ABHD6: variants seen among roughly 807,000 people sequenced by gnomAD.
The protein encoded by ABHD6 is monoacylglycerol lipase ABHD6.
Under a neutral mutation model 38.8 loss-of-function variants are expected in ABHD6, and 33 were observed. The observed-to-expected ratio is 0.85, with a 90% CI of 0.64 to 1.14. The LOEUF is 1.14. Among genes scored for constraint, ABHD6 ranks in the 50% most tolerant of loss-of-function variants. The pLI is 0.00. For synonymous variants in ABHD6, 147 were observed against 161.6 expected, an observed-to-expected ratio of 0.91 and a Z score of 0.69; for missense variants, 380 against 422.6, an observed-to-expected ratio of 0.90 and a Z score of 0.88.
At chr3:58,250,293 C>T (rs2097429038) in intron 2 of ABHD6, among the ~76,000 whole-genome samples, 1 of 151,784 alleles carries the variant, frequency 6.6e-6, no homozygotes. Flanking sequence ...GGCAGCCAGA[C>T]GTGGGAGTGC....
chr3:58,273,034 C>T lies in ABHD6; in HGVS notation c.524-1624C>T, dbSNP rs1198168560. On this transcript the variant is annotated intron_variant, in intron 6 of 9. Coordinates refer to ENST00000478253, the MANE Select transcript of ABHD6 (RefSeq NM_001320126.2). The surrounding 1 kb of genome is among the most constrained non-coding windows in gnomAD (Gnocchi z 4.8). ...TTCATTTAGTTTTTCAACTCATGTC[C>T]TTTTTCTGTTCTGGGATCCAGTCCA... 3.3e-5 allele frequency among the ~76,000 whole-genome samples: 5 copies of T among 152,084 alleles called. No individual in the cohort carries two copies. In the East Asian group the frequency reaches 9.6e-4, roughly 29 times the overall value.
In ABHD6 at chr3:58,259,288, G is replaced by T. The variant is rs368292574; in HGVS notation, c.119+2583G>T. 1.6e-4 allele frequency among the ~76,000 whole-genome samples: 24 copies of T among 152,250 alleles called. 1 individual carries two copies. In the South Asian group the frequency reaches 3.7e-3, roughly 24 times the overall value. ...AGAGTAAGGGTGTTAGGGTAATTTTGATGTTTCATTTGTAATGAGAAAAAT... is the reference window on the plus strand; with the variant it reads ...AGAGTAAGGGTGTTAGGGTAATTTTTATGTTTCATTTGTAATGAGAAAAAT... On this transcript the variant is annotated intron_variant, in intron 3 of 9. Transcript: ENST00000478253. The surrounding 1 kb of genome is among the most constrained non-coding windows in gnomAD (Gnocchi z 4.7).
rs1396373484 is a variant in ABHD6 at position 58,273,076 on chromosome 3, A to G, written c.524-1582A>G. Among the ~76,000 whole-genome samples, 1 of 152,188 alleles carries G rather than the reference A, an allele frequency of 6.6e-6. No individual in the cohort carries two copies. The highest frequency in any genetic ancestry group is 2.4e-5 in the African/African-American group (1 of 41,446). ...TCCAGTCCAGGATGTACCACATGAC[A>G]TCTAACCTAGGTTTAGTTTTAAAGA... On this transcript the variant is annotated intron_variant, in intron 6 of 9. Coordinates refer to ENST00000478253, the MANE Select transcript of ABHD6 (RefSeq NM_001320126.2). This position sits in a 1 kb window ranked among gnomAD's most constrained non-coding sequence, Gnocchi z 4.8.
chr3:58,286,870 G>GTGTATATATATATATA lies in ABHD6; in HGVS notation c.837+1418_837+1419insGTATATATATATATAT, dbSNP rs2097457742. Among the ~76,000 whole-genome samples, 3 of 75,060 alleles carry GTGTATATATATATATA rather than the reference G, an allele frequency of 4.0e-5. 1 individual carries two copies. The highest frequency in any genetic ancestry group is 8.0e-5 in the Non-Finnish European group (3 of 37,482). The allele number at this position is 75,060 out of a possible 152,430, so 49.2% of individuals were successfully genotyped here. On this transcript the variant is annotated intron_variant, in intron 9 of 9. Coordinates refer to ENST00000478253, the MANE Select transcript of ABHD6 (RefSeq NM_001320126.2). ...TGTGTGTGTATATATATATATATAT[G>GTGTATATATATATATA]TATATGTATATATAAGTAGGTATCT... is the stretch of plus-strand genomic sequence containing the variant.
intron 3 of ABHD6, among the ~76,000 whole-genome samples, chr3:58,258,900 G>A (rs2097435119): frequency 6.6e-6 from 1 of 152,170 alleles, no homozygotes; most frequent in Non-Finnish European, 1.5e-5. Flanking sequence ...CTTCTGCACT[G>A]AGAAAGCGAG....
rs1055004713 is a variant in ABHD6, at chr3:58,266,075, A to G, written c.120-1114A>G. On this transcript the variant is annotated intron_variant, in intron 3 of 9. Transcript: ENST00000478253. This position sits in a 1 kb window ranked among gnomAD's most constrained non-coding sequence, Gnocchi z 4.0. ...TGAAATACGCTTGCCTTGCTGTAAG[A>G]AGAGCTTTTAAGCTAGCCAATGCTA... Among the ~76,000 whole-genome samples, 1 of 152,248 alleles carries G rather than the reference A, an allele frequency of 6.6e-6. No homozygotes were observed. Among genetic ancestry groups the G allele is most frequent in the African/African-American group, 2.4e-5 (1 of 41,468 alleles).
intron 1 of ABHD6, among the ~76,000 whole-genome samples, chr3:58,248,875 G>A (rs576882950): frequency 5.9e-5 from 9 of 152,092 alleles, no homozygotes; most frequent in Non-Finnish European, 1.3e-4. Flanking sequence ...TAAACTTCTT[G>A]TTCTTTGCCA....
intron 1 of ABHD6, among the ~76,000 whole-genome samples, chr3:58,244,480 C>T (rs1028635272): frequency 1.3e-5 from 2 of 152,180 alleles, no homozygotes; most frequent in African/African-American, 4.8e-5. Context: ...TCTAAGAATT[C>T]GCACAGGGCT....
chr3:58,260,761 T>C (rs1184416988), intron 3 of ABHD6, among the ~76,000 whole-genome samples: 1 of 152,106 alleles, frequency 6.6e-6, no homozygotes. Context: ...TGGCACCCAG[T>C]CCCCGTTCCC....
At position 58,256,112 on chromosome 3, in the gene ABHD6, C is replaced by CAG. The variant is rs1167722433; in HGVS notation, c.-25-449_-25-448insGA. 6.6e-6 allele frequency among the ~76,000 whole-genome samples: 1 copy of CAG among 151,296 alleles called. No homozygotes were observed. The highest frequency in any genetic ancestry group is 2.4e-5 in the African/African-American group (1 of 41,088). On this transcript the variant is annotated intron_variant, in intron 2 of 9. Transcript: ENST00000478253. The surrounding 1 kb of genome is among the most constrained non-coding windows in gnomAD (Gnocchi z 4.3). ...ACACACACACACACACACACACATA[C>CAG]ACACACTACTTTTTCTCTCCTGAAC...
chr3:58,274,578 C>A, intron 6 of ABHD6, 80 bp from the exon 7 acceptor site: 1 of 1,430,974 alleles, frequency 7.0e-7, no homozygotes, highest in Non-Finnish European at 9.5e-7. Flanking sequence ...CTCTGGGCTG[C>A]TGTCAGAAGT....
chr3:58,270,955 C>CA lies in ABHD6; in HGVS notation c.420dup (p.Pro141ThrfsTer41). On this transcript the variant is annotated frameshift_variant, in exon 6 of 10. Coordinates refer to ENST00000478253, the MANE Select transcript of ABHD6 (RefSeq NM_001320126.2). LOFTEE classifies it high-confidence loss of function. ...AGTTTGTAGAATGCCTGAAGCTGAA[C>CA]AAAAAACCTTTCCACCTGGTAGGCA... The CA allele has an allele frequency of 6.2e-7, 1 of 1,609,856 alleles. No homozygotes were observed. Among genetic ancestry groups the CA allele is most frequent in the Non-Finnish European group, 8.5e-7 (1 of 1,178,736 alleles).
At chr3:58,290,234 A>C (rs2097461095) in intron 9 of ABHD6, among the ~76,000 whole-genome samples, 2 of 108,496 alleles carry the variant, frequency 1.8e-5, no homozygotes, top group Non-Finnish European at 3.8e-5. Context: ...ACTTCCCAGT[A>C]GGGGCGGCTG....
Position 58,286,805 on chromosome 3 carries a change from G to C in ABHD6, c.837+1352G>C, listed in dbSNP as rs955409202. On this transcript the variant is annotated intron_variant, in intron 9 of 9. Transcript: ENST00000478253. The stretch of plus-strand genomic sequence containing the variant: ...TAGATATATATAGGTGTGCATATAA[G>C]ATATATAAGATCATATATGTGTGTG... Among the ~76,000 whole-genome samples the C allele has an allele frequency of 1.2e-4, 14 of 116,496 alleles. No individual in the cohort carries two copies. The South Asian group carries it at 4.4e-3, about 36-fold the overall frequency. The allele number at this position is 116,496 out of a possible 152,430, so 76.4% of individuals were successfully genotyped here. A position where few individuals can be genotyped will look rare whatever the true frequency, so the allele number is the denominator to read the frequency against.
rs1011306153 is a variant in ABHD6 at position 58,267,414 on chromosome 3, C to G, written c.276+69C>G. Reference sequence around the variant, plus strand: ...GTGCTGTGGCTCATGCCTATAATCCCAGCACTTTGGGAGCCTGAGGCAGGA... The same window carrying G: ...GTGCTGTGGCTCATGCCTATAATCCGAGCACTTTGGGAGCCTGAGGCAGGA... On this transcript the variant is annotated intron_variant, in intron 4 of 9. Transcript: ENST00000478253. This position sits in a 1 kb window ranked among gnomAD's most constrained non-coding sequence, Gnocchi z 4.3. 21 of 1,584,836 alleles carry G rather than the reference C, an allele frequency of 1.3e-5. No individual in the cohort carries two copies. In the East Asian group the frequency reaches 4.8e-4, roughly 36 times the overall value.
chr3:58,267,379 A>C lies in ABHD6; in HGVS notation c.276+34A>C. ...CTCGATTCTTCTCTCTTATAAGAAA[A>C]GGGAGTTGGGTGCTGTGGCTCATGC... On this transcript the variant is annotated intron_variant, in intron 4 of 9. Coordinates refer to ENST00000478253, the MANE Select transcript of ABHD6 (RefSeq NM_001320126.2). The surrounding 1 kb of genome is among the most constrained non-coding windows in gnomAD (Gnocchi z 4.3). 2 of 1,612,284 alleles carry C rather than the reference A, an allele frequency of 1.2e-6. No homozygotes were observed. Among genetic ancestry groups the C allele is most frequent in the Non-Finnish European group, 1.7e-6 (2 of 1,179,164 alleles).
chr3:58,276,870 G>T (rs1366272799), intron 7 of ABHD6, among the ~76,000 whole-genome samples: 1 of 152,172 alleles, frequency 6.6e-6, no homozygotes, highest in Non-Finnish European at 1.5e-5. Context: ...GTTAAATAGG[G>T]AATCCTTTCC....
In ABHD6 at chr3:58,266,113, C is replaced by T. The variant is rs568279509; in HGVS notation, c.120-1076C>T. ...CTAGCCAATGCTATTATGTTCTTTA[C>T]GTTTTGAGTAGGCAATGCAGTCATT... On this transcript the variant is annotated intron_variant, in intron 3 of 9. Transcript: ENST00000478253. The surrounding 1 kb of genome is among the most constrained non-coding windows in gnomAD (Gnocchi z 4.0). Among the ~76,000 whole-genome samples the T allele has an allele frequency of 1.8e-4, 28 of 152,286 alleles. No individual in the cohort carries two copies. The highest frequency in any genetic ancestry group is 6.7e-4 in the African/African-American group (28 of 41,564).
chr3:58,261,847 G>A (rs2097437201), intron 3 of ABHD6, among the ~76,000 whole-genome samples: 1 of 152,158 alleles, frequency 6.6e-6, no homozygotes, highest in Non-Finnish European at 1.5e-5. Context: ...ACTTATGAGT[G>A]TAAATCCCAA....
Sources: gnomAD v4.1 joint callset for allele counts (sites outside exome capture counted in the v4.1 genomes callset) on GRCh38, gnomAD v4.1.1 for gene constraint, Gnocchi (gnomAD v3.1) non-coding constraint, MANE v1.5 for transcripts, NCBI Gene and HGNC (gene_info 2026-07-23, HGNC 2026-07-21) for gene names.